ANKS1B: variants seen among roughly 807,000 people sequenced by gnomAD.
ANKS1B encodes ankyrin repeat and sterile alpha motif domain-containing protein 1B.
Under a neutral mutation model 148.3 loss-of-function variants are expected in ANKS1B, and 36 were observed. The ratio of observed to expected loss-of-function variants is 0.24; its 90% CI spans 0.19 to 0.32. ANKS1B has a LOEUF of 0.32. ANKS1B is among the 10% of genes least tolerant of loss of function. The pLI is 1.00. For missense variants in ANKS1B, 1,157 were observed against 1,542.6 expected, an observed-to-expected ratio of 0.75 and a Z score of 4.19; for synonymous variants, 542 against 560.8, an observed-to-expected ratio of 0.97 and a Z score of 0.47.
intron 9 of ANKS1B, among the ~76,000 whole-genome samples, chr12:99,531,978 G>T (rs936439736): frequency 1.3e-5 from 2 of 151,856 alleles, no homozygotes; most frequent in Admixed American, 1.3e-4. Context: ...GTGTTTGTTG[G>T]CCATTTGTAT....
At chr12:99,648,857 G>A (rs2098399259) in intron 9 of ANKS1B, 1 of 1,505,844 alleles carries the variant, frequency 6.6e-7, no homozygotes, top group African/African-American at 1.4e-5. Flanking sequence ...GTCCTGTAAA[G>A]CCTTTGGTGC....
At chr12:99,890,569 TGGTGTG>T (rs1565936523) in intron 1 of ANKS1B, among the ~76,000 whole-genome samples, 1 of 115,570 alleles carries the variant, frequency 8.7e-6, no homozygotes, top group Non-Finnish European at 1.8e-5. Context: ...CTCGCATTCA[TGGTGTG>T]TGTGTGTGTG....
At chr12:99,605,638 T>A (rs1284805233) in intron 9 of ANKS1B, among the ~76,000 whole-genome samples, 2 of 152,154 alleles carry the variant, frequency 1.3e-5, no homozygotes, top group South Asian at 2.1e-4. Context: ...TCCAGCCTCA[T>A]CCATGTTGCT....
At chr12:99,545,553 T>C (rs1239976771) in intron 9 of ANKS1B, among the ~76,000 whole-genome samples, 1 of 152,012 alleles carries the variant, frequency 6.6e-6, no homozygotes, top group African/African-American at 2.4e-5. Context: ...GATGAAGAAC[T>C]AAATTTAAGG....
intron 17 of ANKS1B, among the ~76,000 whole-genome samples, chr12:99,010,760 A>T (rs7308288): frequency 0.47 from 62,188 of 131,638 alleles, 14,030 homozygotes; most frequent in African/African-American, 0.62. Context: ...TATTATTATT[A>T]TTTTTTTTTG....
chr12:99,183,296 C>T (rs548002694), intron 14 of ANKS1B, among the ~76,000 whole-genome samples: 12 of 152,110 alleles, frequency 7.9e-5, no homozygotes, highest in Non-Finnish European at 1.5e-4. Context: ...GCTTATGCAG[C>T]GTTTCCCAAA....
At chr12:99,207,230 G>T (rs2082780243) in intron 14 of ANKS1B, among the ~76,000 whole-genome samples, 1 of 152,176 alleles carries the variant, frequency 6.6e-6, no homozygotes. Context: ...TAATGGCTAT[G>T]TAGTTTAAGA....
chr12:98,838,893 T>C (rs1425488422), intron 17 of ANKS1B, among the ~76,000 whole-genome samples: 1 of 152,144 alleles, frequency 6.6e-6, no homozygotes, highest in Non-Finnish European at 1.5e-5. Flanking sequence ...TGTCAAAGTT[T>C]TCCCCCCTGC....
At chr12:99,863,270 C>T (rs1207791668) in intron 1 of ANKS1B, among the ~76,000 whole-genome samples, 1 of 152,142 alleles carries the variant, frequency 6.6e-6, no homozygotes, top group Admixed American at 6.6e-5. Flanking sequence ...TCAACATTCC[C>T]CAAAACCATT....
chr12:99,656,415 C>A (rs2098450170), intron 8 of ANKS1B, among the ~76,000 whole-genome samples: 1 of 151,994 alleles, frequency 6.6e-6, no homozygotes, highest in African/African-American at 2.4e-5. Context: ...TTGAGAAAAA[C>A]CTCTTAACAG....
chr12:99,778,039 A>T (rs1295790646), intron 6 of ANKS1B, among the ~76,000 whole-genome samples: 1 of 151,902 alleles, frequency 6.6e-6, no homozygotes, highest in Non-Finnish European at 1.5e-5. Flanking sequence ...TCTACTAAAA[A>T]TACCAAAGAA....
chr12:99,471,509 C>T (rs1348668473), intron 10 of ANKS1B, among the ~76,000 whole-genome samples: 2 of 152,028 alleles, frequency 1.3e-5, no homozygotes, highest in Non-Finnish European at 2.9e-5. Flanking sequence ...TTATGCTCAA[C>T]ATCTATTTCT....
chr12:99,371,437 T>C (rs2093128087), intron 12 of ANKS1B, among the ~76,000 whole-genome samples: 1 of 152,056 alleles, frequency 6.6e-6, no homozygotes, highest in African/African-American at 2.4e-5. Flanking sequence ...AGATAAGACA[T>C]GTGAGAAGAA....
At chr12:99,228,171 G>T (rs1184317402) in intron 14 of ANKS1B, among the ~76,000 whole-genome samples, 1 of 152,106 alleles carries the variant, frequency 6.6e-6, no homozygotes, top group East Asian at 1.9e-4. Flanking sequence ...GTTATTCTAA[G>T]GGGTTGTTTT....
rs934153171 is a variant in ANKS1B at position 99,895,116 on chromosome 12, C to T, written c.135-69727G>A. ...CATGTTTCTTGGCAAACATGTTTTTCGATGAGATTAACATTTAAATCTGTG... is the reference window on the plus strand; with the variant it reads ...CATGTTTCTTGGCAAACATGTTTTTTGATGAGATTAACATTTAAATCTGTG... On this transcript the variant is annotated intron_variant, in intron 1 of 26. Transcript: ENST00000683438. Among the ~76,000 whole-genome samples, 7 of 150,766 alleles carry T rather than the reference C, an allele frequency of 4.6e-5. 2 individuals carry two copies. Among genetic ancestry groups the T allele is most frequent in the South Asian group, 2.1e-4 (1 of 4,776 alleles).
chr12:99,498,133 T>C (rs2096621529), intron 10 of ANKS1B, among the ~76,000 whole-genome samples: 2 of 152,184 alleles, frequency 1.3e-5, no homozygotes. Flanking sequence ...CTGGCCACTG[T>C]CATTTCTTGC....
At chr12:99,010,905 T>G (rs937513699) in intron 17 of ANKS1B, among the ~76,000 whole-genome samples, 8 of 149,096 alleles carry the variant, frequency 5.4e-5, no homozygotes, top group South Asian at 2.1e-4. Context: ...GCTTTTGTTT[T>G]TTTTTTTTTT....
At chr12:99,642,687 C>T (rs551810809) in intron 9 of ANKS1B, among the ~76,000 whole-genome samples, 55 of 152,238 alleles carry the variant, frequency 3.6e-4, no homozygotes, top group African/African-American at 1.3e-3. Context: ...CGTGGTGATG[C>T]ATGCCTGTAA....
rs116619272 is a variant in ANKS1B, at chr12:99,840,789, A to C, written c.135-15400T>G. 8.1e-3 allele frequency among the ~76,000 whole-genome samples: 1,227 copies of C among 152,202 alleles called. 17 individuals are homozygous for C. The highest frequency in any genetic ancestry group is 0.028 in the African/African-American group (1,162 of 41,550). ...ATGTATCTCTTCCTTTATAATATTC[A>C]TTCCATTTTTTCTCCTTACACAAAC... On this transcript the variant is annotated intron_variant, in intron 1 of 26. Transcript: ENST00000683438.
Sources: gnomAD v4.1 joint callset for allele counts (sites outside exome capture counted in the v4.1 genomes callset) on GRCh38, gnomAD v4.1.1 for gene constraint, MANE v1.5 for transcripts, NCBI Gene and HGNC (gene_info 2026-07-23, HGNC 2026-07-21) for gene names.